The following NEBL variants were observed in gnomAD, a reference collection of about 807,000 sequenced individuals.
The protein encoded by NEBL is nebulette.
NEBL carries 122 observed loss-of-function variants against 140.2 expected under a neutral mutation model. The ratio of observed to expected loss-of-function variants is 0.87; its 90% CI spans 0.75 to 1.01. NEBL has a LOEUF of 1.01. Ranked by LOEUF, NEBL falls within the 50% of genes least tolerant of loss-of-function variation. NEBL has a pLI of 0.00. For missense variants in NEBL, 1,365 were observed against 1,231.3 expected (o/e 1.11, Z -1.62); for synonymous variants, 436 against 398.9 (o/e 1.09, Z -1.11).
chr10:21,048,006 C>A (rs1023553567), intron 2 of NEBL, among the ~76,000 whole-genome samples: 2 of 152,196 alleles, frequency 1.3e-5, no homozygotes, highest in African/African-American at 4.8e-5. Context: ...ATTTAAGCAA[C>A]TGATAAATCA....
intron 3 of NEBL, among the ~76,000 whole-genome samples, chr10:21,209,970 C>A (rs1216473331): frequency 6.6e-6 from 1 of 152,062 alleles, no homozygotes; most frequent in Non-Finnish European, 1.5e-5. Context: ...ATAGAATTTC[C>A]CCAAAACCAG....
chr10:21,231,730 A>C (rs1842256800), intron 3 of NEBL, among the ~76,000 whole-genome samples: 1 of 152,120 alleles, frequency 6.6e-6, no homozygotes, highest in African/African-American at 2.4e-5. Flanking sequence ...AGGCAAAACG[A>C]ATTTGCCAAG....
chr10:20,848,817 A>G (rs10828141), intron 11 of NEBL, among the ~76,000 whole-genome samples: 71,303 of 152,082 alleles, frequency 0.47, 18,283 homozygotes, highest in African/African-American at 0.67. Flanking sequence ...AATAAGACAC[A>G]AAAAATACAA....
chr10:21,258,961 T>C lies in NEBL; in HGVS notation n.183-7133A>G, dbSNP rs529135634. ...TCATTTAATCCTCACAATAATCCTA[T>C]GAAATAGATCCTATGATTACCCCCA... On this transcript the variant is annotated intron_variant and non_coding_transcript_variant, in intron 1 of 8. Transcript: ENST00000675702. Among the ~76,000 whole-genome samples, 7 of 152,184 alleles carry C rather than the reference T, an allele frequency of 4.6e-5. No homozygotes were observed. The East Asian group carries it at 7.7e-4, about 17-fold the overall frequency.
intron 3 of NEBL, among the ~76,000 whole-genome samples, chr10:21,192,664 G>A (rs1319496369): frequency 6.6e-6 from 1 of 151,290 alleles, no homozygotes; most frequent in East Asian, 2.0e-4. Flanking sequence ...GGCCAATATG[G>A]TGAAACCCCA....
At chr10:20,798,914 C>T (rs901158253) in intron 26 of NEBL, among the ~76,000 whole-genome samples, 1 of 152,122 alleles carries the variant, frequency 6.6e-6, no homozygotes, top group East Asian at 1.9e-4. Flanking sequence ...GAAAAGAAAA[C>T]GTATGACATT....
chr10:20,795,164 G>A (rs767575283), intron 26 of NEBL, among the ~76,000 whole-genome samples: 1 of 152,192 alleles, frequency 6.6e-6, no homozygotes, highest in Non-Finnish European at 1.5e-5. Context: ...AAGATTCTAG[G>A]AGTAAGAAGA....
intron 7 of NEBL, among the ~76,000 whole-genome samples, chr10:20,861,630 ACT>A (rs1588854746): frequency 6.6e-6 from 1 of 152,182 alleles, no homozygotes; most frequent in Admixed American, 6.5e-5. Flanking sequence ...GACACTTCTG[ACT>A]CAGCCAGATT....
chr10:21,128,362 TAAAAA>T (rs1838935668), intron 2 of NEBL, among the ~76,000 whole-genome samples: 1 of 151,950 alleles, frequency 6.6e-6, no homozygotes, highest in Admixed American at 6.6e-5. Context: ...AACCTAAATG[TAAAAA>T]AGGAGAAGAG....
chr10:21,099,432 G>A (rs1271359973), intron 2 of NEBL, among the ~76,000 whole-genome samples: 3 of 151,962 alleles, frequency 2.0e-5, no homozygotes, highest in Non-Finnish European at 1.5e-5. Flanking sequence ...ATCTGGAGTC[G>A]GTTTTCAGTA....
At chr10:21,010,550 A>C (rs1037780205) in intron 3 of NEBL, among the ~76,000 whole-genome samples, 5 of 152,032 alleles carry the variant, frequency 3.3e-5, no homozygotes, top group Non-Finnish European at 5.9e-5. Context: ...CACCACACCC[A>C]GCCAAGACCA....
At chr10:20,844,902 T>C (rs1374900763) in intron 12 of NEBL, among the ~76,000 whole-genome samples, 1 of 152,052 alleles carries the variant, frequency 6.6e-6, no homozygotes, top group African/African-American at 2.4e-5. Context: ...TAACTAAATT[T>C]GAAAGAATCA....
At chr10:20,815,315 A>T (rs1007615397) in intron 22 of NEBL, among the ~76,000 whole-genome samples, 11 of 152,216 alleles carry the variant, frequency 7.2e-5, no homozygotes, top group Admixed American at 3.9e-4. Flanking sequence ...TTTAACGCAC[A>T]CATCAAAGGC....
chr10:21,252,078 C>T (rs1842595301), intron 1 of NEBL, among the ~76,000 whole-genome samples: 1 of 152,162 alleles, frequency 6.6e-6, no homozygotes, highest in Non-Finnish European at 1.5e-5. Flanking sequence ...TAAAGGGCAT[C>T]AACTTCTCCT....
At chr10:21,244,160 C>A (rs919968865) in intron 3 of NEBL, among the ~76,000 whole-genome samples, 16 of 151,942 alleles carry the variant, frequency 1.1e-4, no homozygotes, top group African/African-American at 3.6e-4. Context: ...ACTTTCCACT[C>A]CCTAAGCTTA....
chr10:20,896,985 G>A lies in NEBL; in HGVS notation c.126C>T (p.Ala42=), dbSNP rs1847559310. ...PVIEDLSMEL[A]RKCTELISDI... ...CGCTAATGAGTTCCGTGCATTTTCT[G>A]GCCAATTCCATGCTTAAGTCTTCAA... Residue 42 remains alanine, a synonymous_variant, in exon 2 of 28, where the codon GCC becomes GCT. Coordinates refer to ENST00000377122, the MANE Select transcript of NEBL (RefSeq NM_006393.3). The A allele has an allele frequency of 6.2e-7, 1 of 1,613,634 alleles. No individual in the cohort carries two copies. The highest frequency in any genetic ancestry group is 8.5e-7 in the Non-Finnish European group (1 of 1,179,942).
intron 3 of NEBL, among the ~76,000 whole-genome samples, chr10:20,990,558 C>A (rs1589114243): frequency 6.6e-6 from 1 of 152,302 alleles, no homozygotes; most frequent in South Asian, 2.1e-4. Context: ...TTCTCAGCCT[C>A]CAAATCACTG....
intron 2 of NEBL, among the ~76,000 whole-genome samples, chr10:21,161,402 G>C (rs1031879784): frequency 6.6e-6 from 1 of 151,932 alleles, no homozygotes; most frequent in South Asian, 2.1e-4. Flanking sequence ...GTATCATTCA[G>C]ACAGCCAAAA....
chr10:20,882,580 T>G (rs1219969063), intron 4 of NEBL, among the ~76,000 whole-genome samples: 1 of 152,214 alleles, frequency 6.6e-6, no homozygotes. Flanking sequence ...AGTGAACAGA[T>G]GAATAAATGA....
Sources: allele counts gnomAD v4.1 joint callset (sites outside exome capture counted in the v4.1 genomes callset), GRCh38; gene constraint gnomAD v4.1.1; transcripts MANE v1.5; gene names NCBI Gene and HGNC (gene_info 2026-07-23, HGNC 2026-07-21).